The following SVIL variants were observed in gnomAD, a reference collection of about 807,000 sequenced individuals.
The protein encoded by SVIL is supervillin, also known as archvillin.
In SVIL, 101 loss-of-function variants were observed where a neutral mutation model predicts 240.4. The ratio of observed to expected loss-of-function variants is 0.42; its 90% CI spans 0.36 to 0.50. The LOEUF is 0.50. Among genes scored for constraint, SVIL ranks in the 20% least tolerant of loss-of-function variants. SVIL has a pLI of 0.01. For synonymous variants in SVIL, 999 were observed against 1,100.0 expected, an observed-to-expected ratio of 0.91 and a Z score of 1.82; for missense variants, 2,512 against 2,818.7, an observed-to-expected ratio of 0.89 and a Z score of 2.46.
At chr10:29,568,035 A>G (rs1323371821) in intron 2 of SVIL, among the ~76,000 whole-genome samples, 3 of 150,608 alleles carry the variant, frequency 2.0e-5, no homozygotes, top group Non-Finnish European at 3.0e-5. Context: ...AAACAAAAAA[A>G]AAAACAAAAA....
intron 1 of SVIL, among the ~76,000 whole-genome samples, chr10:29,577,847 T>G (rs1231879552): frequency 6.6e-6 from 1 of 152,166 alleles, no homozygotes; most frequent in Non-Finnish European, 1.5e-5. Flanking sequence ...ATAAAATAGT[T>G]GTAAATTTAA....
chr10:29,719,311 G>T (rs1398735751), intron 1 of SVIL, among the ~76,000 whole-genome samples: 2 of 152,232 alleles, frequency 1.3e-5, no homozygotes, highest in Admixed American at 6.5e-5. Flanking sequence ...GTATAAACGG[G>T]TTAAGAAATA....
intron 1 of SVIL, among the ~76,000 whole-genome samples, chr10:29,713,035 T>C (rs1963395020): frequency 6.6e-6 from 1 of 151,906 alleles, no homozygotes; most frequent in Non-Finnish European, 1.5e-5. Context: ...AAGAATTAGC[T>C]GGGTGTGGTG....
intron 2 of SVIL, among the ~76,000 whole-genome samples, chr10:29,673,555 G>A (rs1168535773): frequency 1.4e-5 from 2 of 146,424 alleles, no homozygotes; most frequent in African/African-American, 2.5e-5. Context: ...GGGGAAGCAA[G>A]GCACGTCTTA....
chr10:29,564,317 C>G (rs1453287944), intron 2 of SVIL, among the ~76,000 whole-genome samples: 1 of 152,140 alleles, frequency 6.6e-6, no homozygotes, highest in Non-Finnish European at 1.5e-5. Context: ...AAATCCATCT[C>G]CTAGTTTCAT....
At chr10:29,477,008 G>A (rs1479797539) in intron 29 of SVIL, among the ~76,000 whole-genome samples, 1 of 151,906 alleles carries the variant, frequency 6.6e-6, no homozygotes, top group Non-Finnish European at 1.5e-5. Flanking sequence ...GATTATAGGT[G>A]CCCGCCACTA....
At position 29,550,599 on chromosome 10, in the gene SVIL, G is replaced by C. The variant is rs1198234796; in HGVS notation, c.825C>G (p.Pro275=). 3.7e-6 allele frequency: 6 copies of C among 1,605,378 alleles called. No individual in the cohort carries two copies. The South Asian group carries it at 5.6e-5, about 15-fold the overall frequency. The change falls in exon 6 of 38, where the codon CCC becomes CCG. Residue 275 remains proline (P), a splice_region_variant and synonymous_variant. Transcript: ENST00000355867. ...CTTAGCGTGGACTGGATGCTTACCT[G>C]GGTCGGGCCTCAGGGGATAGCTGTG... is the stretch of plus-strand genomic sequence containing the variant. The part of the protein sequence containing the change: ...GDPQLSPEAR[P]STGKPKHEWF...
chr10:29,492,772 A>C (rs868258481), intron 21 of SVIL, among the ~76,000 whole-genome samples: 9 of 152,220 alleles, frequency 5.9e-5, no homozygotes, highest in African/African-American at 2.2e-4. Context: ...AACATGCCTT[A>C]CTGATTTTCT....
At chr10:29,627,975 C>CT in intron 1 of SVIL, among the ~76,000 whole-genome samples, 1 of 152,226 alleles carries the variant, frequency 6.6e-6, no homozygotes, top group South Asian at 2.1e-4. Context: ...ACAGCCAAGC[C>CT]TTTTTTTCTA....
In SVIL at chr10:29,670,360, G is replaced by T. The variant is rs1589484299; in HGVS notation, c.-300-12292C>A. 2.0e-5 allele frequency among the ~76,000 whole-genome samples: 3 copies of T among 152,276 alleles called. No homozygotes were observed. In the East Asian group the frequency reaches 5.8e-4, roughly 29 times the overall value. ...AAGATTTCCAGCAAAGCTAATAAAA[G>T]CTTCAAAGCTTTATAAAATAGATCA... On this transcript the variant is annotated intron_variant, in intron 2 of 35. Transcript: ENST00000375400.
At chr10:29,553,105 C>A (rs986330026) in intron 5 of SVIL, among the ~76,000 whole-genome samples, 1 of 147,656 alleles carries the variant, frequency 6.8e-6, no homozygotes, top group African/African-American at 2.5e-5. Context: ...GGTGTTGAGC[C>A]ACCAAGCCCA....
At position 29,551,134 on chromosome 10, in the gene SVIL, C is replaced by G; in HGVS notation, c.290G>C (p.Ser97Thr). 1.9e-6 allele frequency: 3 copies of G among 1,614,150 alleles called. No homozygotes were observed. Among genetic ancestry groups the G allele is most frequent in the Non-Finnish European group, 2.5e-6 (3 of 1,180,028 alleles). ...AATTCTTTCGGCTTTGGACTCCAGA[C>G]TGTGGGTGTCCATGGTACCCGAACC... ...PYGSGTMDTH[S>T]LESKAERIAR... Residue 97 changes from serine (S) to threonine (T), a missense_variant, in exon 6 of 38, where the codon AGT (serine) becomes ACT (threonine). Ser to Thr is a moderately conservative substitution (Grantham distance 58). This residue lies in a region of SVIL where 1,443 missense variants were observed against 1,486.6 expected (regional missense o/e 0.97). Coordinates refer to ENST00000355867, the MANE Select transcript of SVIL (RefSeq NM_021738.3).
chr10:29,666,704 G>A (rs375275187), intron 2 of SVIL, among the ~76,000 whole-genome samples: 25 of 152,230 alleles, frequency 1.6e-4, no homozygotes, highest in African/African-American at 6.0e-4. Flanking sequence ...CGGCAATAGT[G>A]AAGCTAGAAG....
intron 1 of SVIL, among the ~76,000 whole-genome samples, chr10:29,611,905 G>A (rs1006188447): frequency 1.3e-5 from 2 of 152,176 alleles, no homozygotes; most frequent in African/African-American, 4.8e-5. Context: ...GCCAGAACCA[G>A]GGGGAGAATC....
chr10:29,656,682 T>C (rs558712109), intron 3 of SVIL, among the ~76,000 whole-genome samples: 1 of 152,306 alleles, frequency 6.6e-6, no homozygotes, highest in East Asian at 1.9e-4. Flanking sequence ...GTTCCTGTTT[T>C]CCCACACATG....
chr10:29,681,649 C>T (rs1960663184), intron 2 of SVIL, among the ~76,000 whole-genome samples: 1 of 152,106 alleles, frequency 6.6e-6, no homozygotes, highest in South Asian at 2.1e-4. Flanking sequence ...TATCTCTTTC[C>T]TAATGATCAC....
intron 36 of SVIL, among the ~76,000 whole-genome samples, chr10:29,460,477 C>G (rs1944121368): frequency 6.6e-6 from 1 of 152,128 alleles, no homozygotes; most frequent in African/African-American, 2.4e-5. Flanking sequence ...CTGAAAGTGG[C>G]TCAACTGTGC....
chr10:29,486,342 A>C, intron 25 of SVIL, 68 bp downstream of exon 25: 2 of 1,598,352 alleles, frequency 1.3e-6, no homozygotes, highest in South Asian at 2.3e-5. Context: ...GTAAAATAGA[A>C]GAATGAGCTA....
chr10:29,699,438 G>A (rs1050308617), intron 1 of SVIL, among the ~76,000 whole-genome samples: 2 of 152,112 alleles, frequency 1.3e-5, no homozygotes, highest in African/African-American at 4.8e-5. Context: ...GAGTAGCTGG[G>A]ATTACAGGCG....
Sources: allele counts gnomAD v4.1 joint callset (sites outside exome capture counted in the v4.1 genomes callset), GRCh38; gene constraint gnomAD v4.1.1; regional missense constraint gnomAD v4.1.1; transcripts MANE v1.5; gene names NCBI Gene and HGNC (gene_info 2026-07-23, HGNC 2026-07-21).